The following DCC variants were observed in gnomAD, a reference collection of about 807,000 sequenced individuals.
DCC encodes DCC netrin 1 receptor.
Under a neutral mutation model 172.5 loss-of-function variants are expected in DCC, and 58 were observed. That is an observed-to-expected ratio of 0.34 (90% CI 0.27 to 0.42). The LOEUF is 0.42. Among genes scored for constraint, DCC ranks in the 10% least tolerant of loss-of-function variants. The probability of loss-of-function intolerance (pLI) is 1.00; values close to 1 mark genes in which losing one functional copy is unlikely to be tolerated. For synonymous variants in DCC, 709 were observed against 644.5 expected, an observed-to-expected ratio of 1.10 and a Z score of -1.52; for missense variants, 1,740 against 1,791.0, an observed-to-expected ratio of 0.97 and a Z score of 0.51.
chr18:53,513,679 C>T (rs1254793399), intron 27 of DCC, among the ~76,000 whole-genome samples: 1 of 151,844 alleles, frequency 6.6e-6, no homozygotes, highest in Non-Finnish European at 1.5e-5. Flanking sequence ...TCTGATAAAA[C>T]AGACTTTAAA....
intron 1 of DCC, among the ~76,000 whole-genome samples, chr18:52,624,522 C>T (rs996312440): frequency 6.6e-6 from 1 of 152,112 alleles, no homozygotes; most frequent in African/African-American, 2.4e-5. Flanking sequence ...TTGGAACAAG[C>T]TTGTGAGTAG....
intron 15 of DCC, among the ~76,000 whole-genome samples, chr18:53,359,510 C>A (rs959079534): frequency 1.6e-4 from 24 of 152,098 alleles, no homozygotes; most frequent in African/African-American, 5.8e-4. Flanking sequence ...AGAGAAGCTG[C>A]AGCTACATTG....
intron 1 of DCC, among the ~76,000 whole-genome samples, chr18:52,511,434 C>T (rs1451162391): frequency 3.3e-5 from 5 of 151,988 alleles, no homozygotes; most frequent in African/African-American, 9.7e-5. Flanking sequence ...ACCTCTTCGA[C>T]GTGGAAAGGA....
intron 5 of DCC, among the ~76,000 whole-genome samples, chr18:52,935,971 A>T (rs1423573634): frequency 6.6e-6 from 1 of 152,106 alleles, no homozygotes; most frequent in Non-Finnish European, 1.5e-5. Context: ...GATAATAGTC[A>T]TAAAAGAAGT....
At chr18:52,789,460 A>T (rs928238634) in intron 2 of DCC, among the ~76,000 whole-genome samples, 3 of 152,054 alleles carry the variant, frequency 2.0e-5, no homozygotes, top group Non-Finnish European at 2.9e-5. Flanking sequence ...AAGGCCTTTT[A>T]AAAAAAATCT....
At position 52,845,118 on chromosome 18, in the gene DCC, AAGAC is replaced by A. The variant is rs539637393; in HGVS notation, c.413-60918_413-60915del. On this transcript the variant is annotated intron_variant, in intron 2 of 28. Transcript: ENST00000442544. ...AGATGCATTTCAGATCCCTTGGGAA[AAGAC>A]AGACAGAGAGAGGACAAAACATAAG... 3.1e-3 allele frequency among the ~76,000 whole-genome samples: 470 copies of A among 151,968 alleles called. 1 individual carries two copies. Among genetic ancestry groups the A allele is most frequent in the African/African-American group, 0.011 (446 of 41,242 alleles).
In DCC at chr18:52,685,688, CT is replaced by C. The variant is rs562303767; in HGVS notation, c.92-66365del. ...CATAATAGTGTTTGTTTTCTCCACTCTCCCATCTCCCTCTCTTCCTTTCTCT... is the reference window on the plus strand; with the variant it reads ...CATAATAGTGTTTGTTTTCTCCACTCCCCATCTCCCTCTCTTCCTTTCTCT... On this transcript the variant is annotated intron_variant, in intron 1 of 28. Transcript: ENST00000442544. Among the ~76,000 whole-genome samples the C allele has an allele frequency of 2.6e-3, 393 of 152,232 alleles. 2 individuals are homozygous for C. Among genetic ancestry groups the C allele is most frequent in the African/African-American group, 9.1e-3 (379 of 41,546 alleles).
intron 2 of DCC, among the ~76,000 whole-genome samples, chr18:52,846,982 A>G (rs1180206943): frequency 4.6e-5 from 7 of 152,148 alleles, no homozygotes; most frequent in African/African-American, 1.7e-4. Context: ...CCTGACTTCA[A>G]TATGTAAGTG....
chr18:52,464,366 G>A (rs141417871), intron 1 of DCC, among the ~76,000 whole-genome samples: 1 of 152,102 alleles, frequency 6.6e-6, no homozygotes, highest in Non-Finnish European at 1.5e-5. Context: ...TTAGTTCCCT[G>A]CATCCTTAAG....
intron 1 of DCC, among the ~76,000 whole-genome samples, chr18:52,551,474 A>ACACTT (rs1422867750): frequency 6.6e-6 from 1 of 151,998 alleles, no homozygotes; most frequent in Non-Finnish European, 1.5e-5. Flanking sequence ...AGGAATACTC[A>ACACTT]CACTTCAGAA....
intron 14 of DCC, among the ~76,000 whole-genome samples, chr18:53,339,203 C>G (rs191276330): frequency 2.0e-5 from 3 of 152,270 alleles, no homozygotes; most frequent in African/African-American, 7.2e-5. Context: ...TTTAATAAAC[C>G]ATGAATCAAG....
At position 53,530,721 on chromosome 18, in the gene DCC, G is replaced by A; in HGVS notation, c.*68G>A. ...GCAGCATACCAATTACCCATAAACAGCACACCTGTGTCCAAGAACTCTAAC... is the reference window on the plus strand; with the variant it reads ...GCAGCATACCAATTACCCATAAACAACACACCTGTGTCCAAGAACTCTAAC... On this transcript the variant is annotated 3_prime_UTR_variant, in exon 29 of 29. Transcript: ENST00000442544. 2 of 848,318 alleles carry A rather than the reference G, an allele frequency of 2.4e-6. No homozygotes were observed. The highest frequency in any genetic ancestry group is 1.3e-5 in the South Asian group (1 of 75,696). 52.5% of individuals were successfully genotyped at this position (848,318 alleles called of 1,614,324 possible).
intron 5 of DCC, among the ~76,000 whole-genome samples, chr18:52,988,261 C>G (rs2041327255): frequency 2.0e-5 from 2 of 98,350 alleles, no homozygotes; most frequent in Non-Finnish European, 4.9e-5. Flanking sequence ...CTGGGTGTTT[C>G]TGTAAAAAAA....
chr18:52,481,595 G>A (rs1598852361), intron 1 of DCC, among the ~76,000 whole-genome samples: 4 of 151,806 alleles, frequency 2.6e-5, no homozygotes, highest in Admixed American at 6.6e-5. Flanking sequence ...CCAAGGTTAC[G>A]TGCATACATA....
intron 5 of DCC, among the ~76,000 whole-genome samples, chr18:52,985,684 A>C (rs1021701304): frequency 2.6e-5 from 4 of 151,678 alleles, no homozygotes; most frequent in African/African-American, 9.7e-5. Flanking sequence ...TTTTCCCTTA[A>C]AACCATTATT....
chr18:53,259,231 G>A (rs369642573), intron 12 of DCC, among the ~76,000 whole-genome samples: 1 of 152,112 alleles, frequency 6.6e-6, no homozygotes, highest in Admixed American at 6.5e-5. Flanking sequence ...ATATTGTTAT[G>A]TGTGAATTTG....
chr18:53,406,854 A>G (rs1909695092), intron 19 of DCC, among the ~76,000 whole-genome samples: 1 of 152,162 alleles, frequency 6.6e-6, no homozygotes, highest in Non-Finnish European at 1.5e-5. Context: ...AATATACCAA[A>G]CATACACATC....
intron 5 of DCC, among the ~76,000 whole-genome samples, chr18:53,054,383 C>T (rs1023031185): frequency 6.6e-6 from 1 of 152,014 alleles, no homozygotes; most frequent in Non-Finnish European, 1.5e-5. Context: ...TAGGCTCACA[C>T]ACACACGCAA....
At chr18:53,247,947 A>G (rs2056384421) in intron 12 of DCC, among the ~76,000 whole-genome samples, 1 of 151,904 alleles carries the variant, frequency 6.6e-6, no homozygotes, top group Non-Finnish European at 1.5e-5. Flanking sequence ...TAATTTCTTG[A>G]CTTTCTCAAG....
Sources: gnomAD v4.1 joint callset for allele counts (sites outside exome capture counted in the v4.1 genomes callset) on GRCh38, gnomAD v4.1.1 for gene constraint, MANE v1.5 for transcripts, NCBI Gene and HGNC (gene_info 2026-07-23, HGNC 2026-07-21) for gene names.